The following SKOR1 variants were observed in gnomAD, a reference collection of about 807,000 sequenced individuals.
SKOR1 encodes LBX1 corepressor 1.
SKOR1 carries 38 observed loss-of-function variants against 72.4 expected under a neutral mutation model. The ratio of observed to expected loss-of-function variants is 0.52; its 90% confidence interval spans 0.40 to 0.69. The LOEUF (loss-of-function observed/expected upper bound fraction) is 0.69. Among genes scored for constraint, SKOR1 ranks in the 30% least tolerant of loss-of-function variants. The probability of loss-of-function intolerance (pLI) is 0.00; values close to 1 mark genes in which losing one functional copy is unlikely to be tolerated. For missense variants in SKOR1, 1,320 were observed against 1,343.2 expected (o/e 0.98, Z 0.27); for synonymous variants, 642 against 599.4 (o/e 1.07, Z -1.04).
Position 67,826,997 on chromosome 15 carries a change from C to A in SKOR1, c.1169C>A (p.Pro390Gln), listed in dbSNP as rs374997595. The stretch of plus-strand genomic sequence containing the variant: ...TTTGGGCTCCTGCAAAAGCTGCCCC[C>A]ACCACTTTTCCCCCATCCTTACGGC... ...KGFGLLQKLP[P>Q]PLFPHPYGFP... Residue 390 changes from proline (P) to glutamine (Q), a missense_variant, in exon 2 of 9, where the codon CCA (proline) becomes CAA (glutamine). Physicochemically the swap from Pro to Gln is moderately conservative, Grantham distance 76. Coordinates refer to ENST00000380035, the MANE Select transcript of SKOR1 (RefSeq NM_001365915.1). 6.3e-7 allele frequency: 1 copy of A among 1,595,994 alleles called. No individual in the cohort carries two copies. Among genetic ancestry groups the A allele is most frequent in the Admixed American group, 1.7e-5 (1 of 59,888 alleles).
In SKOR1 at chr15:67,827,948, G is replaced by A. The variant is rs1361031922; in HGVS notation, c.2120G>A (p.Gly707Asp). ...PPSATSSGADGPANSPDGGSP... is the reference protein window; with the variant it reads ...PPSATSSGADDPANSPDGGSP... The stretch of plus-strand genomic sequence containing the variant: ...TCCGCCACCTCCTCTGGCGCGGACG[G>A]TCCCGCAAACTCTCCCGACGGCGGC... The change falls in exon 2 of 9, where the codon GGT becomes GAT. Residue 707 changes from glycine to aspartate, a missense_variant. Gly to Asp is a moderately conservative substitution (Grantham distance 94). Around this residue, in one of 3 missense-constraint regions of SKOR1, gnomAD observed 1,099 missense variants for 1,025.5 expected, o/e 1.07. Coordinates refer to ENST00000380035, the MANE Select transcript of SKOR1 (RefSeq NM_001365915.1). 6 of 1,570,584 alleles carry A rather than the reference G, an allele frequency of 3.8e-6. No individual in the cohort carries two copies. The highest frequency in any genetic ancestry group is 1.2e-5 in the South Asian group (1 of 86,386).
intron 4 of SKOR1, 111 bp from the exon 5 acceptor site, chr15:67,830,707 C>A: frequency 2.0e-6 from 2 of 981,930 alleles, no homozygotes; most frequent in Non-Finnish European, 3.3e-6. Context: ...CCTCTAAAGG[C>A]AGAAGGTCTA....
Position 67,825,893 on chromosome 15 carries a change from G to A in SKOR1, c.108-43G>A. The A allele has an allele frequency of 3.3e-6, 5 of 1,509,306 alleles. No homozygotes were observed. The highest frequency in any genetic ancestry group is 1.8e-4 in the Middle Eastern group (1 of 5,564). 93.5% of individuals were successfully genotyped at this position (1,509,306 alleles called of 1,614,324 possible). On this transcript the variant is annotated intron_variant, in intron 1 of 8. Coordinates refer to ENST00000380035, the MANE Select transcript of SKOR1 (RefSeq NM_001365915.1). This position sits in a 1 kb window ranked among gnomAD's most constrained non-coding sequence, Gnocchi z 5.6. ...GGCGGGCCCGAGCCTCGGCGGCGGC[G>A]CTGAAAATGGCTCATCTGCTCTCTG...
intron 2 of SKOR1, among the ~76,000 whole-genome samples, chr15:67,828,403 G>A (rs1047832553): frequency 6.6e-6 from 1 of 152,226 alleles, no homozygotes; most frequent in African/African-American, 2.4e-5. Flanking sequence ...TTTGTTGATG[G>A]GAATGGGGAG....
In SKOR1 at chr15:67,827,083, C is replaced by A. The variant is rs1197887336; in HGVS notation, c.1255C>A (p.Pro419Thr). ...KDDPVLGAGE[P>T]KGGPGTGSGG... The stretch of plus-strand genomic sequence containing the variant: ...CGACCCGGTTTTAGGCGCGGGCGAG[C>A]CAAAGGGCGGTCCTGGCACTGGGAG... Residue 419 changes from proline to threonine, a missense_variant, in exon 2 of 9, where the codon CCA (proline) becomes ACA (threonine). Pro to Thr is a conservative substitution (Grantham distance 38). Around this residue, in one of 3 missense-constraint regions of SKOR1, gnomAD observed 1,099 missense variants for 1,025.5 expected, o/e 1.07. Transcript: ENST00000380035. 1 of 1,517,740 alleles carries A rather than the reference C, an allele frequency of 6.6e-7. No individual in the cohort carries two copies. The highest frequency in any genetic ancestry group is 8.8e-7 in the Non-Finnish European group (1 of 1,140,132). The allele number at this position is 1,517,740 out of a possible 1,614,324, so 94.0% of individuals were successfully genotyped here.
chr15:67,828,156 GCCCGCCCCGC>G lies in SKOR1; in HGVS notation c.2316+14_2316+23del. 2.1e-6 allele frequency: 3 copies of G among 1,422,188 alleles called. No homozygotes were observed. Among genetic ancestry groups the G allele is most frequent in the Non-Finnish European group, 2.7e-6 (3 of 1,100,638 alleles). The allele number at this position is 1,422,188 out of a possible 1,614,324, so 88.1% of individuals were successfully genotyped here. On this transcript the variant is annotated intron_variant, in intron 2 of 8. Transcript: ENST00000380035. ...CCGCGCCGGCCAAGGTGAGCCCCGC[GCCCGCCCCGC>G]CAGTGGCGCCTTCCCACCTACCCTG...
At chr15:67,828,468 A>G (rs1195851412) in intron 2 of SKOR1, among the ~76,000 whole-genome samples, 1 of 152,314 alleles carries the variant, frequency 6.6e-6, no homozygotes, top group Middle Eastern at 3.4e-3. Flanking sequence ...GGAGAAAGAA[A>G]GAGGAGGTAA....
At position 67,830,175 on chromosome 15, in the gene SKOR1, G is replaced by T; in HGVS notation, c.2408-16G>T. ...GTTTCTTTGCCTCTCTTGAAATTCG[G>T]TTTGTTGCCTTCAAGAGCCAGATAA... On this transcript the variant is annotated splice_polypyrimidine_tract_variant and intron_variant, in intron 3 of 8. Coordinates refer to ENST00000380035, the MANE Select transcript of SKOR1 (RefSeq NM_001365915.1). 1 of 1,613,166 alleles carries T rather than the reference G, an allele frequency of 6.2e-7. No individual in the cohort carries two copies. Among genetic ancestry groups the T allele is most frequent in the African/African-American group, 1.3e-5 (1 of 75,042 alleles).
In SKOR1 at chr15:67,833,573, G is replaced by A. The variant is rs1348812161; in HGVS notation, c.2804-169G>A. ...AATGGGGCTACTGAACCAGAGCAGT[G>A]GTTCTGAATCACCAGCTTTTGTCCT... On this transcript the variant is annotated intron_variant, in intron 8 of 8. Transcript: ENST00000380035. This position sits in a 1 kb window ranked among gnomAD's most constrained non-coding sequence, Gnocchi z 6.0. 6.6e-6 allele frequency among the ~76,000 whole-genome samples: 1 copy of A among 152,166 alleles called. No homozygotes were observed. Among genetic ancestry groups the A allele is most frequent in the Non-Finnish European group, 1.5e-5 (1 of 68,020 alleles).
chr15:67,828,114 C>G lies in SKOR1; in HGVS notation c.2286C>G (p.Cys762Trp). ...GGGGYELREPCGPLGGPAPAK... is the reference protein window; with the variant it reads ...GGGGYELREPWGPLGGPAPAK... ...GCGGCTACGAGCTGCGAGAGCCTTGCGGGCCCCTAGGAGGCCCCGCGCCGG... is the reference window on the plus strand; with the variant it reads ...GCGGCTACGAGCTGCGAGAGCCTTGGGGGCCCCTAGGAGGCCCCGCGCCGG... Residue 762 changes from cysteine to tryptophan, a missense_variant, in exon 2 of 9, where the codon TGC becomes TGG. Transcript: ENST00000380035. 1 of 1,514,700 alleles carries G rather than the reference C, an allele frequency of 6.6e-7. No individual in the cohort carries two copies. The highest frequency in any genetic ancestry group is 1.2e-5 in the South Asian group (1 of 81,266). The allele number at this position is 1,514,700 out of a possible 1,614,324, so 93.8% of individuals were successfully genotyped here. A position where few individuals can be genotyped will look rare whatever the true frequency, so the allele number is the denominator to read the frequency against.
Position 67,832,535 on chromosome 15 carries a change from G to T in SKOR1, c.2663-72G>T. ...AGTTGGGGGTAGGGGTGAAAGGGGG[G>T]GCCAGGAGTGAGAAAGTGGAGCCGG... On this transcript the variant is annotated intron_variant, in intron 6 of 8. Transcript: ENST00000380035. This position sits in a 1 kb window ranked among gnomAD's most constrained non-coding sequence, Gnocchi z 4.5. The T allele has an allele frequency of 6.9e-7, 1 of 1,445,984 alleles. No homozygotes were observed. The highest frequency in any genetic ancestry group is 1.2e-5 in the South Asian group (1 of 86,018). The allele number at this position is 1,445,984 out of a possible 1,614,324, so 89.6% of individuals were successfully genotyped here.
intron 2 of SKOR1, among the ~76,000 whole-genome samples, chr15:67,828,617 C>T (rs779177447): frequency 9.9e-5 from 15 of 152,186 alleles, no homozygotes; most frequent in Non-Finnish European, 1.6e-4. Flanking sequence ...CCCACCACCC[C>T]AACTCGCAGT....
rs2090972342 is a variant in SKOR1, at chr15:67,827,551, C to A, written c.1723C>A (p.Leu575Met). The A allele has an allele frequency of 2.6e-6, 4 of 1,521,652 alleles. No individual in the cohort carries two copies. In the Admixed American group the frequency reaches 6.1e-5, roughly 23 times the overall value. 94.3% of individuals were successfully genotyped at this position (1,521,652 alleles called of 1,614,324 possible). ...CACGGACGAGGCGCTGCCACCGCCC[C>A]TGGCCCCGTTGCCCCCGCCGCCCCC... ...DGTDEALPPP[L>M]APLPPPPPPP... is the part of the protein sequence containing the mutation. Residue 575 changes from leucine to methionine, a missense_variant, in exon 2 of 9, where the codon CTG (leucine) becomes ATG (methionine). This residue lies in a region of SKOR1 where 1,099 missense variants were observed against 1,025.5 expected (regional missense o/e 1.07). Coordinates refer to ENST00000380035, the MANE Select transcript of SKOR1 (RefSeq NM_001365915.1).
intron 2 of SKOR1, among the ~76,000 whole-genome samples, chr15:67,828,892 A>G (rs2090986533): frequency 6.6e-6 from 1 of 152,222 alleles, no homozygotes; most frequent in African/African-American, 2.4e-5. Flanking sequence ...GGGAGGGAAA[A>G]TGCCTAAAAG....
Position 67,828,027 on chromosome 15 carries a change from T to A in SKOR1, c.2199T>A (p.Phe733Leu), listed in dbSNP as rs2090979062. The A allele has an allele frequency of 1.3e-6, 2 of 1,539,432 alleles. No homozygotes were observed. Among genetic ancestry groups the A allele is most frequent in the African/African-American group, 2.8e-5 (2 of 72,178 alleles). The change falls in exon 2 of 9, where the codon TTT (phenylalanine) becomes TTA (leucine). Residue 733 changes from phenylalanine (F) to leucine (L), a missense_variant. This residue lies in a region of SKOR1 where 1,099 missense variants were observed against 1,025.5 expected (regional missense o/e 1.07). Coordinates refer to ENST00000380035, the MANE Select transcript of SKOR1 (RefSeq NM_001365915.1). The stretch of plus-strand genomic sequence containing the variant: ...CACCCCCAGCTGGCCGGCCCGCATT[T>A]GGGGACTTGGCAGCCGAAGACTTGG... ...LGPPPAGRPA[F>L]GDLAAEDLVR...
At position 67,827,576 on chromosome 15, in the gene SKOR1, C is replaced by T; in HGVS notation, c.1748C>T (p.Pro583Leu). Reference sequence around the variant, plus strand: ...CTGGCCCCGTTGCCCCCGCCGCCCCCGCCGCCCGCACGCAAAGGCTCCTAC... The same window carrying T: ...CTGGCCCCGTTGCCCCCGCCGCCCCTGCCGCCCGCACGCAAAGGCTCCTAC... ...PPLAPLPPPP[P>L]PPARKGSYVS... The change falls in exon 2 of 9, where the codon CCG (proline) becomes CTG (leucine). Residue 583 changes from proline (P) to leucine (L), a missense_variant. Coordinates refer to ENST00000380035, the MANE Select transcript of SKOR1 (RefSeq NM_001365915.1). 1 of 1,522,084 alleles carries T rather than the reference C, an allele frequency of 6.6e-7. No homozygotes were observed. Among genetic ancestry groups the T allele is most frequent in the East Asian group, 2.5e-5 (1 of 40,044 alleles). 94.3% of individuals were successfully genotyped at this position (1,522,084 alleles called of 1,614,324 possible). A position where few individuals can be genotyped will look rare whatever the true frequency, so the allele number is the denominator to read the frequency against.
chr15:67,833,663 G>A lies in SKOR1; in HGVS notation c.2804-79G>A. The A allele has an allele frequency of 2.1e-6, 3 of 1,437,630 alleles. No individual in the cohort carries two copies. Among genetic ancestry groups the A allele is most frequent in the South Asian group, 1.1e-5 (1 of 87,478 alleles). The allele number at this position is 1,437,630 out of a possible 1,614,324, so 89.1% of individuals were successfully genotyped here. A position where few individuals can be genotyped will look rare whatever the true frequency, so the allele number is the denominator to read the frequency against. On this transcript the variant is annotated intron_variant, in intron 8 of 8. Transcript: ENST00000380035. This position sits in a 1 kb window ranked among gnomAD's most constrained non-coding sequence, Gnocchi z 6.0. ...CTGACCCCAAAGGGTTGGTAAGGCC[G>A]GGGAGGGGAAAGGGTGGACTGCGCG...
Position 67,826,459 on chromosome 15 carries a change from G to C in SKOR1, c.631G>C (p.Gly211Arg). ...CTCTCGTGCCAAGTGCATCAAGTGC[G>C]GCTACTGCAGCATGTACTTCTCGCC... is the stretch of plus-strand genomic sequence containing the variant. ...NSSRAKCIKCGYCSMYFSPNK... is the reference protein window; with the variant it reads ...NSSRAKCIKCRYCSMYFSPNK... The change falls in exon 2 of 9, where the codon GGC becomes CGC. Residue 211 changes from glycine (G) to arginine (R), a missense_variant. Physicochemically the swap from Gly to Arg is moderately radical, Grantham distance 125. Coordinates refer to ENST00000380035, the MANE Select transcript of SKOR1 (RefSeq NM_001365915.1). 1 of 1,614,094 alleles carries C rather than the reference G, an allele frequency of 6.2e-7. No homozygotes were observed. Among genetic ancestry groups the C allele is most frequent in the Non-Finnish European group, 8.5e-7 (1 of 1,180,000 alleles).
rs925713985 is a variant in SKOR1 at position 67,825,766 on chromosome 15, A to G, written c.107+57A>G. 8 of 1,264,728 alleles carry G rather than the reference A, an allele frequency of 6.3e-6. No individual in the cohort carries two copies. The highest frequency in any genetic ancestry group is 3.9e-5 in the Admixed American group (2 of 51,758). The allele number at this position is 1,264,728 out of a possible 1,614,324, so 78.3% of individuals were successfully genotyped here. ...CCGGGGGCTGTTGTTAACGGCGCCA[A>G]CATGGGTCTGAGTAACAAAAGACGC... On this transcript the variant is annotated intron_variant, in intron 1 of 8. Transcript: ENST00000380035. This position sits in a 1 kb window ranked among gnomAD's most constrained non-coding sequence, Gnocchi z 5.6.
Sources: allele counts gnomAD v4.1 joint callset (sites outside exome capture counted in the v4.1 genomes callset), GRCh38; gene constraint gnomAD v4.1.1; regional missense constraint gnomAD v4.1.1; non-coding constraint Gnocchi (gnomAD v3.1); transcripts MANE v1.5; gene names NCBI Gene and HGNC (gene_info 2026-07-23, HGNC 2026-07-21).